GBF1: variants seen among roughly 807,000 people sequenced by gnomAD.
GBF1 encodes the protein golgi brefeldin A resistant guanine nucleotide exchange factor 1.
GBF1 carries 114 observed loss-of-function variants against 210.5 expected under a neutral mutation model. That is an observed-to-expected ratio of 0.54 (90% CI 0.47 to 0.63). The LOEUF (loss-of-function observed/expected upper bound fraction) is 0.63, where lower values mean the gene tolerates loss of function less well. Among genes scored for constraint, GBF1 ranks in the 30% least tolerant of loss-of-function variants. GBF1 has a pLI of 0.00. For missense variants in GBF1, 1,851 were observed against 2,357.7 expected, an observed-to-expected ratio of 0.79 and a Z score of 4.45; for synonymous variants, 850 against 889.2, an observed-to-expected ratio of 0.96 and a Z score of 0.78.
Position 102,366,311 on chromosome 10 carries a change from G to A in GBF1, c.2310-72G>A. ...TCTTCCAGTAAGAGTAGGTTAGGAGGACAGTGACTAAAAGAGCCTGACATG... is the reference window on the plus strand; with the variant it reads ...TCTTCCAGTAAGAGTAGGTTAGGAGAACAGTGACTAAAAGAGCCTGACATG... On this transcript the variant is annotated intron_variant, in intron 18 of 39. Coordinates refer to ENST00000369983, the MANE Select transcript of GBF1 (RefSeq NM_001377137.1). This position sits in a 1 kb window ranked among gnomAD's most constrained non-coding sequence, Gnocchi z 4.0. The A allele has an allele frequency of 1.9e-6, 3 of 1,557,424 alleles. No individual in the cohort carries two copies. In the South Asian group the frequency reaches 3.4e-5, roughly 18 times the overall value.
At chr10:102,344,495 G>A (rs186257775) in intron 4 of GBF1, among the ~76,000 whole-genome samples, 30 of 139,750 alleles carry the variant, frequency 2.1e-4, no homozygotes, top group Non-Finnish European at 2.8e-4. Flanking sequence ...TGTTTGTTTA[G>A]TTAGAGATGG....
intron 3 of GBF1, among the ~76,000 whole-genome samples, chr10:102,293,762 ATGTTTTGTGTTTT>A (rs1419566511): frequency 1.3e-4 from 6 of 44,576 alleles, no homozygotes; most frequent in African/African-American, 4.3e-4. Context: ...CAGCTGTAGT[ATGTTTTGTGTTTT>A]TTTTTTTTTT....
chr10:102,264,459 G>C (rs1312532471), intron 3 of GBF1, among the ~76,000 whole-genome samples: 1 of 152,198 alleles, frequency 6.6e-6, no homozygotes, highest in Non-Finnish European at 1.5e-5. Context: ...TATATATTAT[G>C]TATTTTCTCT....
At chr10:102,310,166 A>G (rs1334627599) in intron 3 of GBF1, among the ~76,000 whole-genome samples, 3 of 152,222 alleles carry the variant, frequency 2.0e-5, no homozygotes, top group Non-Finnish European at 4.4e-5. Flanking sequence ...AGGCAAGTCT[A>G]TTCTTACTGT....
intron 3 of GBF1, among the ~76,000 whole-genome samples, chr10:102,304,773 C>CAA (rs567944759): frequency 6.5e-5 from 9 of 138,644 alleles, no homozygotes; most frequent in South Asian, 4.6e-4. Context: ...GACTTCATCT[C>CAA]AAAAAAAAAA....
intron 3 of GBF1, among the ~76,000 whole-genome samples, chr10:102,309,946 T>A (rs534026841): frequency 5.9e-5 from 9 of 152,360 alleles, no homozygotes; most frequent in African/African-American, 1.7e-4. Context: ...TTTTTGGTTC[T>A]TGGTTTTCAT....
intron 1 of GBF1, among the ~76,000 whole-genome samples, chr10:102,250,396 A>G (rs772094135): frequency 1.1e-4 from 16 of 151,728 alleles, no homozygotes; most frequent in South Asian, 2.1e-4. Context: ...GGATTTTACT[A>G]TGTTGCCCAG....
chr10:102,368,828 G>A lies in GBF1; in HGVS notation c.2969G>A (p.Ser990Asn). The A allele has an allele frequency of 6.2e-7, 1 of 1,600,408 alleles. No individual in the cohort carries two copies. Among genetic ancestry groups the A allele is most frequent in the Non-Finnish European group, 8.6e-7 (1 of 1,167,588 alleles). The part of the protein sequence containing the change: ...ISLCKFTALS[S>N]ESIENLPSVF... ...CTATGCAAATTCACAGCTCTCAGCA[G>A]TGAGGTGAGCAGGTGCAGGAACTGT... The change falls in exon 23 of 40, where the codon AGT (serine) becomes AAT (asparagine). Residue 990 changes from serine (S) to asparagine (N), a missense_variant. Ser to Asn is a conservative substitution (Grantham distance 46). Around this residue, in one of 3 missense-constraint regions of GBF1, gnomAD observed 967 missense variants for 1,247.7 expected, o/e 0.78. Transcript: ENST00000369983.
chr10:102,355,144 G>T (rs2134891658), intron 8 of GBF1, among the ~76,000 whole-genome samples: 1 of 152,328 alleles, frequency 6.6e-6, no homozygotes, highest in East Asian at 1.9e-4. Context: ...GAAGAAAGGG[G>T]AGAGAAGGAG....
intron 3 of GBF1, among the ~76,000 whole-genome samples, chr10:102,269,700 A>G (rs957547592): frequency 1.3e-5 from 2 of 152,160 alleles, no homozygotes; most frequent in Non-Finnish European, 2.9e-5. Context: ...ATGTAGAATG[A>G]GAAAGCCTCA....
intron 1 of GBF1, among the ~76,000 whole-genome samples, chr10:102,250,217 A>G (rs997813597): frequency 3.9e-5 from 6 of 152,044 alleles, no homozygotes; most frequent in Non-Finnish European, 8.8e-5. Flanking sequence ...TTTTTGAGAC[A>G]GAGTCTCTCT....
chr10:102,349,464 A>ATG, intron 4 of GBF1, among the ~76,000 whole-genome samples: 1 of 152,292 alleles, frequency 6.6e-6, no homozygotes, highest in East Asian at 1.9e-4. Flanking sequence ...CCCAGGAGGC[A>ATG]GAGGTTGCAG....
intron 39 of GBF1, 143 bp downstream of exon 39, chr10:102,381,398 TC>T: frequency 1.3e-6 from 1 of 761,610 alleles, no homozygotes; most frequent in Non-Finnish European, 2.1e-6. Context: ...TTGCCGCTCT[TC>T]CCATGGGAAA....
Position 102,377,065 on chromosome 10 carries a change from C to T in GBF1, c.4419C>T (p.Gly1473=), listed in dbSNP as rs199745172. ...PRTSSQHASR[G]GQSDDDEDEG... is the part of the protein sequence containing the mutation. ...CCTCCAGCCAACATGCCTCTCGGGG[C>T]GGGCAGAGTGATGATGATGAGGACG... is the stretch of plus-strand genomic sequence containing the variant. The change falls in exon 33 of 40, where the codon GGC becomes GGT. Residue 1473 remains glycine (G), a synonymous_variant. Transcript: ENST00000369983. The T allele has an allele frequency of 7.4e-5, 120 of 1,614,110 alleles. No individual in the cohort carries two copies. The highest frequency in any genetic ancestry group is 9.5e-5 in the Non-Finnish European group (112 of 1,180,000).
chr10:102,301,307 T>C (rs1342569896), intron 3 of GBF1, among the ~76,000 whole-genome samples: 1 of 152,258 alleles, frequency 6.6e-6, no homozygotes, highest in Non-Finnish European at 1.5e-5. Flanking sequence ...GGTAAGGTTA[T>C]AGATTAACAG....
chr10:102,381,822 C>CGAAA (rs2060868761), intron 39 of GBF1, among the ~76,000 whole-genome samples: 2 of 57,712 alleles, frequency 3.5e-5, no homozygotes, highest in East Asian at 9.6e-4. Flanking sequence ...GACCCTGTCG[C>CGAAA]GAAAAAAAAA....
At chr10:102,371,925 CAAAA>C (rs750951758) in intron 29 of GBF1, among the ~76,000 whole-genome samples, 1 of 97,154 alleles carries the variant, frequency 1.0e-5, no homozygotes, top group Non-Finnish European at 2.1e-5. Context: ...GATTCTGTCT[CAAAA>C]AAAAAAAAAA....
At chr10:102,360,070 T>C (rs760940842) in intron 11 of GBF1, 114 bp from the exon 12 acceptor site, 2 of 754,884 alleles carry the variant, frequency 2.6e-6, no homozygotes, top group Non-Finnish European at 4.8e-6. Flanking sequence ...CCAGCCCTTT[T>C]CTTCAAAGAG....
At chr10:102,310,893 T>G (rs1279167959) in intron 3 of GBF1, among the ~76,000 whole-genome samples, 2 of 152,242 alleles carry the variant, frequency 1.3e-5, no homozygotes, top group Non-Finnish European at 2.9e-5. Context: ...GGCAAATATG[T>G]GGACTTCAGC....
Sources: allele counts gnomAD v4.1 joint callset (sites outside exome capture counted in the v4.1 genomes callset), GRCh38; gene constraint gnomAD v4.1.1; regional missense constraint gnomAD v4.1.1; non-coding constraint Gnocchi (gnomAD v3.1); transcripts MANE v1.5; gene names NCBI Gene and HGNC (gene_info 2026-07-23, HGNC 2026-07-21).